The following LRRC36 variants were observed in gnomAD, a reference collection of about 807,000 sequenced individuals.
The protein encoded by LRRC36 is leucine-rich repeat-containing protein 36.
Under a neutral mutation model 81.1 loss-of-function variants are expected in LRRC36, and 62 were observed. That is an observed-to-expected ratio of 0.76 (90% CI 0.62 to 0.94). LRRC36 has a LOEUF of 0.94. LRRC36 is among the 40% of genes least tolerant of loss of function. The probability of loss-of-function intolerance (pLI) is 0.00; values close to 1 mark genes in which losing one functional copy is unlikely to be tolerated. For missense variants in LRRC36, 761 were observed against 881.7 expected (o/e 0.86, Z 1.73); for synonymous variants, 334 against 348.6 (o/e 0.96, Z 0.47).
intron 4 of LRRC36, among the ~76,000 whole-genome samples, chr16:67,349,142 GATTA>G (rs1169687249): frequency 1.3e-5 from 2 of 152,078 alleles, no homozygotes; most frequent in African/African-American, 4.8e-5. Context: ...AAAATACAGA[GATTA>G]ATTAATGTGT....
Position 67,347,487 on chromosome 16 carries a change from G to T in LRRC36, c.392-8G>T, listed in dbSNP as rs1237915837. 4 of 1,612,478 alleles carry T rather than the reference G, an allele frequency of 2.5e-6. No homozygotes were observed. Among genetic ancestry groups the T allele is most frequent in the Non-Finnish European group, 3.4e-6 (4 of 1,178,974 alleles). On this transcript the variant is annotated splice_polypyrimidine_tract_variant and splice_region_variant and intron_variant, in intron 3 of 13. Coordinates refer to ENST00000329956, the MANE Select transcript of LRRC36 (RefSeq NM_018296.6). ...GAAACATGCTCAGACCACGGTTTTT[G>T]CCTCCAGATGACCGAACTGTACGTG...
Position 67,342,020 on chromosome 16 carries a change from C to G in LRRC36, c.134C>G (p.Ala45Gly), listed in dbSNP as rs1212649968. 11 of 1,608,798 alleles carry G rather than the reference C, an allele frequency of 6.8e-6. No individual in the cohort carries two copies. The highest frequency in any genetic ancestry group is 2.2e-5 in the East Asian group (1 of 44,770). Residue 45 changes from alanine to glycine, a missense_variant, in exon 2 of 14, where the codon GCC (alanine) becomes GGC (glycine). Around this residue, in one of 3 missense-constraint regions of LRRC36, gnomAD observed 263 missense variants for 279.3 expected, o/e 0.94. Coordinates refer to ENST00000329956, the MANE Select transcript of LRRC36 (RefSeq NM_018296.6). The part of the protein sequence containing the change: ...YAGKIHSIGD[A>G]FRNFKNLRSL... The stretch of plus-strand genomic sequence containing the variant: ...GGCAAAATCCATTCCATTGGTGATG[C>G]CTTCAGAAATTTTAAAAATCTCCGA...
chr16:67,353,420 T>C lies in LRRC36; in HGVS notation c.577+3130T>C, dbSNP rs572548055. Among the ~76,000 whole-genome samples, 4 of 152,310 alleles carry C rather than the reference T, an allele frequency of 2.6e-5. No individual in the cohort carries two copies. In the South Asian group the frequency reaches 8.3e-4, roughly 32 times the overall value. On this transcript the variant is annotated intron_variant, in intron 5 of 13. Transcript: ENST00000329956. ...TTGTTTTTTTGAGACAGAGTCTCAC[T>C]GTGTCATCCAGGCTGGAGTACAGTG...
At chr16:67,374,411 T>G (rs1427827338) in intron 9 of LRRC36, among the ~76,000 whole-genome samples, 2 of 152,144 alleles carry the variant, frequency 1.3e-5, no homozygotes, top group African/African-American at 4.8e-5. Flanking sequence ...TATTATTATT[T>G]TGTGACATAG....
chr16:67,364,891 C>G (rs1432064240), intron 6 of LRRC36, among the ~76,000 whole-genome samples: 1 of 152,126 alleles, frequency 6.6e-6, no homozygotes, highest in Non-Finnish European at 1.5e-5. Context: ...TTCCTTCAGT[C>G]CTTGCCTAGT....
intron 12 of LRRC36, among the ~76,000 whole-genome samples, chr16:67,381,023 A>C (rs895259732): frequency 2.0e-5 from 3 of 152,172 alleles, no homozygotes; most frequent in Non-Finnish European, 4.4e-5. Context: ...CAGGAGTTTG[A>C]GACCAGCCTG....
intron 13 of LRRC36, among the ~76,000 whole-genome samples, chr16:67,383,442 T>C (rs2040187483): frequency 6.6e-6 from 1 of 152,234 alleles, no homozygotes; most frequent in South Asian, 2.1e-4. Context: ...GAAGGACGTG[T>C]TGAAATGCAG....
At chr16:67,333,497 T>C (rs2037600232) in intron 1 of LRRC36, among the ~76,000 whole-genome samples, 1 of 152,172 alleles carries the variant, frequency 6.6e-6, no homozygotes, top group South Asian at 2.1e-4. Context: ...GCATCATTGC[T>C]ACCTATATAT....
chr16:67,335,626 G>A (rs1378939806), intron 1 of LRRC36, among the ~76,000 whole-genome samples: 2 of 152,178 alleles, frequency 1.3e-5, no homozygotes. Flanking sequence ...ATTGATTGGG[G>A]AAGTGATAAG....
At chr16:67,366,902 C>A in intron 7 of LRRC36, 115 bp from the exon 8 acceptor site, 2 of 797,842 alleles carry the variant, frequency 2.5e-6, no homozygotes, top group East Asian at 2.5e-5. Context: ...TAAACCACCT[C>A]TTCCTGAGAG....
intron 5 of LRRC36, among the ~76,000 whole-genome samples, chr16:67,352,440 T>A (rs976248700): frequency 6.6e-6 from 1 of 152,190 alleles, no homozygotes; most frequent in African/African-American, 2.4e-5. Context: ...TCATTGCGAA[T>A]GGGCACTGAA....
At chr16:67,379,833 T>G (rs1224450372) in intron 12 of LRRC36, among the ~76,000 whole-genome samples, 1 of 152,216 alleles carries the variant, frequency 6.6e-6, no homozygotes, top group Non-Finnish European at 1.5e-5. Context: ...CATACCTTCG[T>G]GTAGTCAGTT....
At chr16:67,347,454 CA>C in intron 3 of LRRC36, 40 bp from the exon 4 acceptor site, 5 of 1,609,154 alleles carry the variant, frequency 3.1e-6, no homozygotes, top group South Asian at 1.1e-5. Context: ...ATGTCTATGC[CA>C]AAAAAAGAAA....
rs562400157 is a variant in LRRC36 at position 67,353,561 on chromosome 16, A to G, written c.577+3271A>G. Among the ~76,000 whole-genome samples the G allele has an allele frequency of 2.0e-5, 3 of 151,812 alleles. No individual in the cohort carries two copies. In the South Asian group the frequency reaches 6.2e-4, roughly 32 times the overall value. On this transcript the variant is annotated intron_variant, in intron 5 of 13. Transcript: ENST00000329956. ...ACCAACATGCCCAGCTAATTTTTGT[A>G]TTTTTAGTGGAGACAGGGTTTCACC...
intron 9 of LRRC36, among the ~76,000 whole-genome samples, chr16:67,374,429 C>T (rs576573877): frequency 3.6e-4 from 55 of 152,134 alleles, no homozygotes; most frequent in Non-Finnish European, 5.9e-4. Context: ...TAGTCTTGCC[C>T]TGTTGCCCAG....
At chr16:67,364,096 T>G (rs2039280676) in intron 6 of LRRC36, among the ~76,000 whole-genome samples, 1 of 152,322 alleles carries the variant, frequency 6.6e-6, no homozygotes, top group African/African-American at 2.4e-5. Context: ...CTACACCCTT[T>G]AATACTGAGT....
rs1464967247 is a variant in LRRC36, at chr16:67,378,654, AC to A, written c.1873del (p.Gln625SerfsTer11). On this transcript the variant is annotated frameshift_variant, in exon 12 of 14. Coordinates refer to ENST00000329956, the MANE Select transcript of LRRC36 (RefSeq NM_018296.6). LOFTEE classifies it high-confidence loss of function. ...ACCTCATTTTGTCAGAAAAAATTCA[AC>A]AGTTGGAGGAAGGTGCTGCCATCTC... ...ENLILSEKIQ[Q>X]LEEGAAISIV... 1 of 1,614,196 alleles carries A rather than the reference AC, an allele frequency of 6.2e-7. No individual in the cohort carries two copies.
rs144181049 is a variant in LRRC36, at chr16:67,353,080, A to G, written c.577+2790A>G. ...ACCTGCACTGGTCTCTCTCTGCACC[A>G]GGCCCATATTTCTGTTGACCAACTT... On this transcript the variant is annotated intron_variant, in intron 5 of 13. Transcript: ENST00000329956. Among the ~76,000 whole-genome samples, 467 of 152,286 alleles carry G rather than the reference A, an allele frequency of 3.1e-3. 8 individuals are homozygous for G. The highest frequency in any genetic ancestry group is 0.018 in the East Asian group (96 of 5,192).
chr16:67,383,352 A>G (rs975904468), intron 13 of LRRC36, among the ~76,000 whole-genome samples: 5 of 152,234 alleles, frequency 3.3e-5, no homozygotes, highest in Admixed American at 6.5e-5. Flanking sequence ...GCTTTTCATT[A>G]TAATTATTTC....
Sources: allele counts gnomAD v4.1 joint callset (sites outside exome capture counted in the v4.1 genomes callset), GRCh38; gene constraint gnomAD v4.1.1; regional missense constraint gnomAD v4.1.1; transcripts MANE v1.5; gene names NCBI Gene and HGNC (gene_info 2026-07-23, HGNC 2026-07-21).